The following CDH18 variants were observed in gnomAD, a reference collection of about 807,000 sequenced individuals.
CDH18 encodes the protein cadherin-18.
Under a neutral mutation model 67.9 loss-of-function variants are expected in CDH18, and 31 were observed. The observed-to-expected ratio is 0.46, with a 90% CI of 0.34 to 0.62. CDH18 has a LOEUF of 0.62. CDH18 is among the 20% of genes least tolerant of loss of function. CDH18 has a pLI of 0.01. For missense variants in CDH18, 890 were observed against 975.5 expected (o/e 0.91, Z 1.17); for synonymous variants, 362 against 347.2 (o/e 1.04, Z -0.48).
chr5:20,447,952 T>C (rs1750131107), intron 1 of CDH18, among the ~76,000 whole-genome samples: 2 of 152,118 alleles, frequency 1.3e-5, no homozygotes, highest in Non-Finnish European at 2.9e-5. Context: ...GTATACAACG[T>C]GCAGGTTTGT....
At chr5:20,458,689 C>G (rs16887107) in intron 1 of CDH18, among the ~76,000 whole-genome samples, 30,649 of 152,104 alleles carry the variant, frequency 0.2, 3,850 homozygotes, top group East Asian at 0.39. Context: ...TTTTACATTT[C>G]TTTCAGGAGC....
intron 9 of CDH18, among the ~76,000 whole-genome samples, chr5:19,522,045 T>A (rs1172215634): frequency 1.3e-5 from 2 of 152,090 alleles, no homozygotes; most frequent in Non-Finnish European, 2.9e-5. Flanking sequence ...TAATTCTTGA[T>A]CAGTTTTGTC....
At chr5:19,652,925 T>C (rs1005614005) in intron 5 of CDH18, among the ~76,000 whole-genome samples, 3 of 152,108 alleles carry the variant, frequency 2.0e-5, no homozygotes, top group East Asian at 3.9e-4. Flanking sequence ...TGGCTTCATA[T>C]TGGAGGGTAA....
chr5:19,822,089 C>A, intron 3 of CDH18, among the ~76,000 whole-genome samples: 1 of 152,160 alleles, frequency 6.6e-6, no homozygotes, highest in South Asian at 2.1e-4. Context: ...ACATCACAAC[C>A]GGATCAAAAC....
At chr5:19,883,582 T>C (rs1787893203) in intron 2 of CDH18, among the ~76,000 whole-genome samples, 1 of 152,158 alleles carries the variant, frequency 6.6e-6, no homozygotes, top group Non-Finnish European at 1.5e-5. Flanking sequence ...TTCTCTTTTA[T>C]ATTTGTTTAT....
chr5:19,820,598 C>T (rs190935536), intron 3 of CDH18, among the ~76,000 whole-genome samples: 7 of 152,310 alleles, frequency 4.6e-5, no homozygotes, highest in East Asian at 3.9e-4. Flanking sequence ...GGTGGACTAA[C>T]CTTTGACTCA....
intron 6 of CDH18, among the ~76,000 whole-genome samples, chr5:19,599,227 T>C (rs1312604415): frequency 6.6e-6 from 1 of 152,032 alleles, no homozygotes; most frequent in East Asian, 1.9e-4. Flanking sequence ...TATTCATAGA[T>C]GTCCTAAGAT....
chr5:20,428,308 G>T (rs1262585747), intron 1 of CDH18, among the ~76,000 whole-genome samples: 7 of 144,698 alleles, frequency 4.8e-5, no homozygotes, highest in African/African-American at 8.7e-5. Context: ...GTATTCCATG[G>T]TGTATATGTG....
intron 2 of CDH18, among the ~76,000 whole-genome samples, chr5:20,113,494 T>G (rs1464044917): frequency 6.6e-6 from 1 of 152,212 alleles, no homozygotes; most frequent in Admixed American, 6.5e-5. Context: ...GATTGCATTC[T>G]CAAGCCAAGA....
intron 1 of CDH18, among the ~76,000 whole-genome samples, chr5:20,297,891 A>C (rs1232574245): frequency 2.0e-5 from 3 of 152,188 alleles, no homozygotes; most frequent in African/African-American, 4.8e-5. Context: ...TCTCAGTCAA[A>C]TATTTGAAAA....
At chr5:19,830,717 T>G (rs117593383) in intron 3 of CDH18, among the ~76,000 whole-genome samples, 1 of 152,138 alleles carries the variant, frequency 6.6e-6, no homozygotes, top group Non-Finnish European at 1.5e-5. Context: ...ATCATCCTAC[T>G]ATAACCACAC....
chr5:19,611,247 T>C lies in CDH18; in HGVS notation c.811+1187A>G, dbSNP rs147403738. ...AGGGGATCTATGTACCTGCAGAAATTAGTATAACATGAACAAGCATGCAAA... is the reference window on the plus strand; with the variant it reads ...AGGGGATCTATGTACCTGCAGAAATCAGTATAACATGAACAAGCATGCAAA... On this transcript the variant is annotated intron_variant, in intron 6 of 12. Coordinates refer to ENST00000382275, the MANE Select transcript of CDH18 (RefSeq NM_004934.5). Among the ~76,000 whole-genome samples, 12 of 152,130 alleles carry C rather than the reference T, an allele frequency of 7.9e-5. No homozygotes were observed. The East Asian group carries it at 2.3e-3, about 30-fold the overall frequency.
chr5:19,918,454 C>G (rs560993430), intron 2 of CDH18, among the ~76,000 whole-genome samples: 1 of 152,244 alleles, frequency 6.6e-6, no homozygotes, highest in South Asian at 2.1e-4. Context: ...CACGCCACAA[C>G]AATTTCTCTG....
chr5:19,482,256 C>T (rs1387205076), intron 12 of CDH18, among the ~76,000 whole-genome samples: 1 of 152,004 alleles, frequency 6.6e-6, no homozygotes, highest in Non-Finnish European at 1.5e-5. Flanking sequence ...GCTGGGACTA[C>T]AGGTGCCTGC....
intron 1 of CDH18, among the ~76,000 whole-genome samples, chr5:20,470,427 C>T (rs989136400): frequency 2.0e-5 from 3 of 152,118 alleles, no homozygotes; most frequent in Admixed American, 6.5e-5. Context: ...TAAGGTAATT[C>T]GTGTCTTTAT....
intron 8 of CDH18, among the ~76,000 whole-genome samples, chr5:19,552,002 T>A (rs1296030578): frequency 6.6e-6 from 1 of 152,184 alleles, no homozygotes; most frequent in African/African-American, 2.4e-5. Context: ...TCAACAGTTA[T>A]AATGGAGACT....
intron 1 of CDH18, among the ~76,000 whole-genome samples, chr5:20,513,000 G>A (rs552533365): frequency 1.3e-4 from 19 of 151,972 alleles, no homozygotes; most frequent in East Asian, 5.8e-4. Context: ...AAAATTCACC[G>A]TAGCATGTGA....
At chr5:20,288,780 T>C (rs557198330) in intron 1 of CDH18, among the ~76,000 whole-genome samples, 1 of 151,974 alleles carries the variant, frequency 6.6e-6, no homozygotes, top group African/African-American at 2.4e-5. Flanking sequence ...GCAGACGGCA[T>C]ATCCCTTTAC....
intron 5 of CDH18, among the ~76,000 whole-genome samples, chr5:19,673,486 A>C (rs759516962): frequency 3.9e-5 from 6 of 152,080 alleles, no homozygotes; most frequent in Non-Finnish European, 5.9e-5. Flanking sequence ...TCAAAAATAA[A>C]AAATAAAATC....
Sources: allele counts gnomAD v4.1 joint callset (sites outside exome capture counted in the v4.1 genomes callset), GRCh38; gene constraint gnomAD v4.1.1; transcripts MANE v1.5; gene names NCBI Gene and HGNC (gene_info 2026-07-23, HGNC 2026-07-21).